Variants in FUT8 observed in about 807,000 individuals in gnomAD.
FUT8 encodes the protein fucosyltransferase 8.
In FUT8, 29 loss-of-function variants were observed where a neutral mutation model predicts 71.3. That is an observed-to-expected ratio of 0.41 (90% confidence interval 0.30 to 0.55). FUT8 has a LOEUF of 0.55. FUT8 is among the 20% of genes least tolerant of loss of function. FUT8 has a pLI of 0.34. For missense variants in FUT8, 544 were observed against 702.1 expected (o/e 0.77, Z 2.55); for synonymous variants, 254 against 239.3 (o/e 1.06, Z -0.57).
At chr14:65,612,375 C>T (rs942286065) in intron 3 of FUT8, among the ~76,000 whole-genome samples, 1 of 152,142 alleles carries the variant, frequency 6.6e-6, no homozygotes, top group East Asian at 1.9e-4. Flanking sequence ...ACCCAGCATC[C>T]CATGAATTAC....
chr14:65,434,936 T>G (rs1340089460), intron 1 of FUT8, among the ~76,000 whole-genome samples: 3 of 152,194 alleles, frequency 2.0e-5, no homozygotes, highest in Admixed American at 2.0e-4. Context: ...GTATCTACCC[T>G]CATAATCAAG....
chr14:65,671,305 T>A (rs903268589), intron 7 of FUT8, among the ~76,000 whole-genome samples: 74 of 152,194 alleles, frequency 4.9e-4, no homozygotes, highest in African/African-American at 1.7e-3. Context: ...TGATTTTTAA[T>A]CCTTACTTGT....
At chr14:65,426,444 A>G (rs1327414101) in intron 1 of FUT8, among the ~76,000 whole-genome samples, 1 of 152,182 alleles carries the variant, frequency 6.6e-6, no homozygotes, top group Non-Finnish European at 1.5e-5. Flanking sequence ...TCATAAGGAA[A>G]CAGACCCAAA....
chr14:65,424,834 G>A (rs528231765), intron 1 of FUT8, among the ~76,000 whole-genome samples: 1 of 151,784 alleles, frequency 6.6e-6, no homozygotes, highest in South Asian at 2.1e-4. Context: ...TCATTTTTGT[G>A]TTTTTTGTAG....
intron 1 of FUT8, among the ~76,000 whole-genome samples, chr14:65,446,644 T>G (rs2065745134): frequency 6.6e-6 from 1 of 151,840 alleles, no homozygotes; most frequent in South Asian, 2.1e-4. Flanking sequence ...GATACTGAAA[T>G]TGTTACATCT....
the FUT8 span, among the ~76,000 whole-genome samples, chr14:65,391,027 A>C: frequency 6.6e-6 from 1 of 152,128 alleles, no homozygotes; most frequent in Non-Finnish European, 1.5e-5. Flanking sequence ...CGCCCGGCCT[A>C]ATTTCCTATT....
At chr14:65,567,234 G>C (rs1178713061) in intron 3 of FUT8, among the ~76,000 whole-genome samples, 1 of 151,888 alleles carries the variant, frequency 6.6e-6, no homozygotes, top group Non-Finnish European at 1.5e-5. Flanking sequence ...TTAGATGCTA[G>C]CTGTAAAACT....
In FUT8 at chr14:65,643,187, G is replaced by T. The variant is rs1221946057; in HGVS notation, c.597+13581G>T. ...TAATGAAGGAATTTTTTTAATTCCT[G>T]AGAGTACACTCACTAAGCTGACAGC... On this transcript the variant is annotated intron_variant, in intron 6 of 10. Transcript: ENST00000673929. This position sits in a 1 kb window ranked among gnomAD's most constrained non-coding sequence, Gnocchi z 4.5. 6.6e-6 allele frequency among the ~76,000 whole-genome samples: 1 copy of T among 152,096 alleles called. No individual in the cohort carries two copies. The highest frequency in any genetic ancestry group is 2.4e-5 in the African/African-American group (1 of 41,426).
chr14:65,644,450 C>T (rs1382812212), intron 6 of FUT8, among the ~76,000 whole-genome samples: 1 of 152,144 alleles, frequency 6.6e-6, no homozygotes, highest in East Asian at 1.9e-4. Context: ...ACCACCGCCT[C>T]CCGGGTTCAC....
the FUT8 span, among the ~76,000 whole-genome samples, chr14:65,400,960 T>G: frequency 1.3e-5 from 2 of 152,196 alleles, no homozygotes; most frequent in Admixed American, 1.3e-4. Context: ...TTTTGCTATT[T>G]TTAAAAGAAG....
chr14:65,512,549 T>C (rs1261866072), intron 2 of FUT8, among the ~76,000 whole-genome samples: 1 of 152,158 alleles, frequency 6.6e-6, no homozygotes, highest in African/African-American at 2.4e-5. Context: ...GACTTTACTT[T>C]GTATGACAAG....
chr14:65,615,101 A>AT (rs1051366009), intron 3 of FUT8, among the ~76,000 whole-genome samples: 3 of 152,000 alleles, frequency 2.0e-5, no homozygotes, highest in African/African-American at 7.3e-5. Context: ...TCAATTTTTT[A>AT]TTTTTATTTT....
chr14:65,501,138 A>C (rs973792962), intron 2 of FUT8, among the ~76,000 whole-genome samples: 1 of 152,170 alleles, frequency 6.6e-6, no homozygotes, highest in African/African-American at 2.4e-5. Context: ...TCCACACTAA[A>C]TACTCGAGGC....
intron 2 of FUT8, among the ~76,000 whole-genome samples, chr14:65,465,778 A>G (rs144644572): frequency 6.6e-6 from 1 of 152,298 alleles, no homozygotes; most frequent in Non-Finnish European, 1.5e-5. Flanking sequence ...TATAAATGTC[A>G]GTTAGATCTA....
At chr14:65,649,072 C>A (rs909250286) in intron 6 of FUT8, among the ~76,000 whole-genome samples, 1 of 152,158 alleles carries the variant, frequency 6.6e-6, no homozygotes, top group Non-Finnish European at 1.5e-5. Context: ...TTATTCCTTT[C>A]TTTTCATTGG....
intron 2 of FUT8, among the ~76,000 whole-genome samples, chr14:65,548,475 G>T (rs1315320083): frequency 6.6e-6 from 1 of 151,656 alleles, no homozygotes; most frequent in African/African-American, 2.4e-5. Flanking sequence ...CTGTTCACCT[G>T]TTGAAGGCCA....
chr14:65,539,676 G>A (rs1011299775), intron 2 of FUT8, among the ~76,000 whole-genome samples: 1 of 152,134 alleles, frequency 6.6e-6, no homozygotes, highest in African/African-American at 2.4e-5. Flanking sequence ...TTAAACCTGG[G>A]TAAAAATAAC....
chr14:65,575,625 CT>C (rs141102232), intron 3 of FUT8, among the ~76,000 whole-genome samples: 16,409 of 123,552 alleles, frequency 0.13, 1,287 homozygotes, highest in East Asian at 0.39. Flanking sequence ...CTTCCTTCCT[CT>C]TTTTTTTTTT....
At chr14:65,370,188 G>C in the FUT8 span, among the ~76,000 whole-genome samples, 17 of 144,116 alleles carry the variant, frequency 1.2e-4, no homozygotes, top group Admixed American at 3.5e-4. Flanking sequence ...CACTGCTTTA[G>C]AGCACACATA....
Sources: allele counts gnomAD v4.1 joint callset (sites outside exome capture counted in the v4.1 genomes callset), GRCh38; gene constraint gnomAD v4.1.1; non-coding constraint Gnocchi (gnomAD v3.1); transcripts MANE v1.5; gene names NCBI Gene and HGNC (gene_info 2026-07-23, HGNC 2026-07-21).